Variants in SLC12A7 observed in about 807,000 individuals in gnomAD.
The protein encoded by SLC12A7 is solute carrier family 12 member 7, also known as K-Cl cotransporter 4.
SLC12A7 carries 100 observed loss-of-function variants against 120.6 expected under a neutral mutation model. That is an observed-to-expected ratio of 0.83 (90% CI 0.71 to 0.98). The LOEUF is 0.98. SLC12A7 is among the 50% of genes least tolerant of loss of function. SLC12A7 has a pLI of 0.00. For synonymous variants in SLC12A7, 760 were observed against 678.0 expected, an observed-to-expected ratio of 1.12 and a Z score of -1.88; for missense variants, 1,373 against 1,548.1, an observed-to-expected ratio of 0.89 and a Z score of 1.90.
the SLC12A7 span, among the ~76,000 whole-genome samples, chr5:1,124,025 T>C: frequency 6.6e-6 from 1 of 152,226 alleles, no homozygotes; most frequent in African/African-American, 2.4e-5. Context: ...AAGTCATCAA[T>C]TTCTATTTTC....
Position 1,095,025 on chromosome 5 carries a change from T to C in SLC12A7, c.125-777A>G, listed in dbSNP as rs1178946761. On this transcript the variant is annotated intron_variant, in intron 1 of 23. Coordinates refer to ENST00000264930, the MANE Select transcript of SLC12A7 (RefSeq NM_006598.3). ...TAGGGTCGGTAGGAGGTGGGGGCGG[T>C]AGGAGGCGGGGGGCCGGTAGGAGGC... Among the ~76,000 whole-genome samples the C allele has an allele frequency of 4.2e-4, 30 of 71,754 alleles. 1 individual carries two copies. Among genetic ancestry groups the C allele is most frequent in the Admixed American group, 1.5e-3 (10 of 6,700 alleles). The allele number at this position is 71,754 out of a possible 152,430, so 47.1% of individuals were successfully genotyped here.
At position 1,078,009 on chromosome 5, in the gene SLC12A7, TGCAGGCAGGCGG is replaced by T; in HGVS notation, c.1455-14_1455-3del. 1 of 1,557,600 alleles carries T rather than the reference TGCAGGCAGGCGG, an allele frequency of 6.4e-7. No individual in the cohort carries two copies. Reference sequence around the variant, plus strand: ...TTCCCCTGCAGGGCCTCCCCGAACCTGCAGGCAGGCGGGCAGGCGGGCGGGCGGCTTTCAGAA... The same window carrying T: ...TTCCCCTGCAGGGCCTCCCCGAACCTGCAGGCGGGCGGGCGGCTTTCAGAA... On this transcript the variant is annotated splice_polypyrimidine_tract_variant and splice_region_variant and intron_variant, in intron 11 of 23. Transcript: ENST00000264930.
At position 1,085,252 on chromosome 5, in the gene SLC12A7, G is replaced by A. The variant is rs761769699; in HGVS notation, c.897C>T (p.Ala299=). 2.5e-6 allele frequency: 4 copies of A among 1,612,624 alleles called. No individual in the cohort carries two copies. Among genetic ancestry groups the A allele is most frequent in the East Asian group, 2.2e-5 (1 of 44,868 alleles). ...CTCACGGGATGTCCGGGGGGTCGAA[G>A]GCAGACTTGATGACGCCGGCATAGA... The part of the protein sequence containing the change: ...LAIYAGVIKS[A]FDPPDIPVCL... Residue 299 remains alanine (A), a synonymous_variant, in exon 7 of 24, where the codon GCC becomes GCT. Transcript: ENST00000264930.
At chr5:1,094,082 C>T in intron 2 of SLC12A7, 72 bp downstream of exon 2, 3 of 1,324,490 alleles carry the variant, frequency 2.3e-6, no homozygotes, top group Non-Finnish European at 2.2e-6. Context: ...CTGGGGGCCC[C>T]CAGGGGCTCC....
At chr5:1,100,298 G>A (rs976592883) in intron 1 of SLC12A7, among the ~76,000 whole-genome samples, 28 of 152,276 alleles carry the variant, frequency 1.8e-4, no homozygotes, top group African/African-American at 5.5e-4. Context: ...ACACGCCGTC[G>A]GAATTAAAAA....
chr5:1,074,687 T>C lies in SLC12A7; in HGVS notation c.1968-16A>G, dbSNP rs1248935863. Reference sequence around the variant, plus strand: ...CTTCTCGGCCCTGTGGGAAAGGAAGTCGGGGTTTGTCCAGCCGCGTACCTG... The same window carrying C: ...CTTCTCGGCCCTGTGGGAAAGGAAGCCGGGGTTTGTCCAGCCGCGTACCTG... On this transcript the variant is annotated splice_polypyrimidine_tract_variant and intron_variant, in intron 15 of 23. Coordinates refer to ENST00000264930, the MANE Select transcript of SLC12A7 (RefSeq NM_006598.3). 2.5e-6 allele frequency: 4 copies of C among 1,610,744 alleles called. No homozygotes were observed. Among genetic ancestry groups the C allele is most frequent in the Non-Finnish European group, 3.4e-6 (4 of 1,179,020 alleles).
chr5:1,120,911 C>T, the SLC12A7 span, among the ~76,000 whole-genome samples: 6 of 152,232 alleles, frequency 3.9e-5, no homozygotes, highest in Non-Finnish European at 7.3e-5. Context: ...CGCTTCGACG[C>T]GAAGGGCTCC....
the SLC12A7 span, among the ~76,000 whole-genome samples, chr5:1,142,136 C>A: frequency 6.6e-6 from 1 of 151,856 alleles, no homozygotes; most frequent in Non-Finnish European, 1.5e-5. Context: ...ACCCGGCCAC[C>A]CCTGGCAGCA....
At chr5:1,129,599 G>A in the SLC12A7 span, among the ~76,000 whole-genome samples, 8 of 149,162 alleles carry the variant, frequency 5.4e-5, no homozygotes, top group Admixed American at 2.0e-4. Flanking sequence ...CTGGGGCATC[G>A]GCCAACCCCC....
Position 1,064,164 on chromosome 5 carries a change from G to A in SLC12A7, c.2526C>T (p.Gly842=), listed in dbSNP as rs184953727. The part of the protein sequence containing the change: ...DSFPQNQERF[G]GGHIDVWWIV... ...TCCACCACACGTCGATGTGGCCCCC[G>A]CCGAAGCGCTCCTGGTTTTGCGGAA... Residue 842 remains glycine, a synonymous_variant, in exon 19 of 24, where the codon GGC becomes GGT. Transcript: ENST00000264930. The A allele has an allele frequency of 2.8e-5, 45 of 1,612,286 alleles. No individual in the cohort carries two copies. Among genetic ancestry groups the A allele is most frequent in the East Asian group, 1.1e-4 (5 of 44,844 alleles).
Position 1,052,226 on chromosome 5 carries a change from G to T in SLC12A7, c.*134C>A. The T allele has an allele frequency of 1.3e-6, 1 of 751,914 alleles. No individual in the cohort carries two copies. The allele number at this position is 751,914 out of a possible 1,614,324, so 46.6% of individuals were successfully genotyped here. On this transcript the variant is annotated 3_prime_UTR_variant, in exon 24 of 24. Coordinates refer to ENST00000264930, the MANE Select transcript of SLC12A7 (RefSeq NM_006598.3). ...ACGGGCCTAGAAACTTCCGTAGGAAGCCCCATGGGCAGCTTGGGCGGCATC... is the reference window on the plus strand; with the variant it reads ...ACGGGCCTAGAAACTTCCGTAGGAATCCCCATGGGCAGCTTGGGCGGCATC...
chr5:1,154,297 A>G, the SLC12A7 span, among the ~76,000 whole-genome samples: 1 of 151,316 alleles, frequency 6.6e-6, no homozygotes. Flanking sequence ...GACACAGACC[A>G]CAGCTCCCAC....
intron 1 of SLC12A7, among the ~76,000 whole-genome samples, chr5:1,100,909 G>T (rs769622977): frequency 6.6e-6 from 1 of 152,148 alleles, no homozygotes; most frequent in Non-Finnish European, 1.5e-5. Context: ...AAGCACACCC[G>T]GGAAGAGGCA....
rs554247815 is a variant in SLC12A7, at chr5:1,089,310, G to A, written c.343-182C>T. The stretch of plus-strand genomic sequence containing the variant: ...CCAGGACAGGACCCCTGACCATCCC[G>A]GAATGAGGGCTTAGGGGAGGGGAGC... On this transcript the variant is annotated intron_variant, in intron 3 of 23. Transcript: ENST00000264930. 2.2e-4 allele frequency among the ~76,000 whole-genome samples: 33 copies of A among 152,268 alleles called. 1 individual carries two copies. The South Asian group carries it at 5.4e-3, about 25-fold the overall frequency.
intron 12 of SLC12A7, among the ~76,000 whole-genome samples, chr5:1,077,220 T>C (rs1738456636): frequency 6.6e-6 from 1 of 152,204 alleles, no homozygotes; most frequent in East Asian, 1.9e-4. Context: ...CTGGACACCA[T>C]GCCCTAGGCC....
chr5:1,108,029 T>TACACACACACACAC (rs59652318), intron 1 of SLC12A7, among the ~76,000 whole-genome samples: 16,245 of 151,344 alleles, frequency 0.11, 1,045 homozygotes, highest in African/African-American at 0.18. Flanking sequence ...AACACACACA[T>TACACACACACACAC]ACACACACAC....
the SLC12A7 span, among the ~76,000 whole-genome samples, chr5:1,155,640 C>T: frequency 1.3e-5 from 2 of 151,290 alleles, no homozygotes; most frequent in Non-Finnish European, 3.0e-5. Flanking sequence ...CCCACCTGCG[C>T]CCCTCGAGGG....
rs1023601730 is a variant in SLC12A7, at chr5:1,051,348, T to A, written c.*1012A>T. On this transcript the variant is annotated 3_prime_UTR_variant, in exon 24 of 24. Coordinates refer to ENST00000264930, the MANE Select transcript of SLC12A7 (RefSeq NM_006598.3). ...AGCACCGGGGTGGGGATGGCACGTG[T>A]GAGCCAGCTCAGAGGCTGAACTGTG... is the stretch of plus-strand genomic sequence containing the variant. The A allele has an allele frequency of 2.3e-5, 3 of 128,534 alleles. No individual in the cohort carries two copies. Among genetic ancestry groups the A allele is most frequent in the Non-Finnish European group, 4.7e-5 (3 of 63,680 alleles). 8.0% of individuals were successfully genotyped at this position (128,534 alleles called of 1,614,324 possible).
intron 1 of SLC12A7, among the ~76,000 whole-genome samples, chr5:1,097,869 C>T (rs1038968825): frequency 4.6e-5 from 7 of 152,084 alleles, no homozygotes; most frequent in Non-Finnish European, 1.0e-4. Context: ...AGAAGAGTGT[C>T]GCTTGGTCTC....
Sources: gnomAD v4.1 joint callset for allele counts (sites outside exome capture counted in the v4.1 genomes callset) on GRCh38, gnomAD v4.1.1 for gene constraint, MANE v1.5 for transcripts, NCBI Gene and HGNC (gene_info 2026-07-23, HGNC 2026-07-21) for gene names.